PARD3: variants seen among roughly 807,000 people sequenced by gnomAD.
PARD3 encodes par-3 family cell polarity regulator.
In PARD3, 75 loss-of-function variants were observed where a neutral mutation model predicts 155.4. The ratio of observed to expected loss-of-function variants is 0.48; its 90% CI spans 0.40 to 0.58. PARD3 has a LOEUF of 0.58. PARD3 is among the 20% of genes least tolerant of loss of function. The pLI is 0.00. For synonymous variants in PARD3, 576 were observed against 610.5 expected, an observed-to-expected ratio of 0.94 and a Z score of 0.83; for missense variants, 1,642 against 1,721.7, an observed-to-expected ratio of 0.95 and a Z score of 0.82.
At chr10:34,675,413 A>G (rs1487536197) in intron 2 of PARD3, among the ~76,000 whole-genome samples, 1 of 152,212 alleles carries the variant, frequency 6.6e-6, no homozygotes, top group Non-Finnish European at 1.5e-5. Context: ...CCAGTCATAC[A>G]GACATCTGGA....
intron 21 of PARD3, among the ~76,000 whole-genome samples, chr10:34,278,645 C>T (rs953274825): frequency 1.3e-5 from 2 of 152,106 alleles, no homozygotes; most frequent in Admixed American, 6.6e-5. Context: ...TCTTTTCTCC[C>T]GCCACGTGAA....
chr10:34,521,245 G>C (rs557849848), intron 2 of PARD3, among the ~76,000 whole-genome samples: 1 of 151,838 alleles, frequency 6.6e-6, no homozygotes, highest in South Asian at 2.1e-4. Flanking sequence ...CAATTGCACA[G>C]CTTTCTTTTA....
At position 34,377,125 on chromosome 10, in the gene PARD3, T is replaced by C. The variant is rs568405923; in HGVS notation, c.1539+842A>G. 5.9e-5 allele frequency among the ~76,000 whole-genome samples: 9 copies of C among 152,362 alleles called. No homozygotes were observed. The South Asian group carries it at 1.9e-3, about 32-fold the overall frequency. On this transcript the variant is annotated intron_variant, in intron 10 of 24. Transcript: ENST00000374788. ...ACTCAATTTATTCTCCATGCTGCCA[T>C]TTCAAGATTTCCTTGCTCCTCTTAT... is the stretch of plus-strand genomic sequence containing the variant.
intron 2 of PARD3, among the ~76,000 whole-genome samples, chr10:34,548,964 A>C (rs2084325003): frequency 6.6e-6 from 1 of 152,192 alleles, no homozygotes; most frequent in African/African-American, 2.4e-5. Flanking sequence ...AAACAAATCA[A>C]ACAGTGGCTG....
chr10:34,467,329 TTGTG>T lies in PARD3; in HGVS notation c.582+2752_582+2755del, dbSNP rs61218571. On this transcript the variant is annotated intron_variant, in intron 4 of 24. Coordinates refer to ENST00000374788, the MANE Select transcript of PARD3 (RefSeq NM_001184785.2). ...TATATGAACATAGCATGACTCCAAC[TTGTG>T]TGTGTGTGTGTGTGTGTGTGTGTGT... Among the ~76,000 whole-genome samples the T allele has an allele frequency of 4.6e-3, 676 of 147,068 alleles. 5 individuals are homozygous for T. Among genetic ancestry groups the T allele is most frequent in the African/African-American group, 0.012 (477 of 40,000 alleles).
rs55765243 is a variant in PARD3 at position 34,585,547 on chromosome 10, CT to C, written c.223-68389del. ...TTTTTCTTTTTTTTTCTTTTTCTTT[CT>C]TTTTTTTTTTGGCAAAACTCTGGAA... is the stretch of plus-strand genomic sequence containing the variant. On this transcript the variant is annotated intron_variant, in intron 2 of 24. Coordinates refer to ENST00000374788, the MANE Select transcript of PARD3 (RefSeq NM_001184785.2). 4.5e-3 allele frequency among the ~76,000 whole-genome samples: 644 copies of C among 143,020 alleles called. 2 individuals carry two copies. The highest frequency in any genetic ancestry group is 0.012 in the African/African-American group (477 of 39,036). 93.8% of individuals were successfully genotyped at this position (143,020 alleles called of 152,430 possible).
intron 2 of PARD3, among the ~76,000 whole-genome samples, chr10:34,599,499 T>C (rs1356509086): frequency 6.6e-6 from 1 of 152,180 alleles, no homozygotes. Flanking sequence ...ACATAACCCC[T>C]ACTAAATCTT....
At chr10:34,267,267 C>T (rs935325495) in intron 22 of PARD3, among the ~76,000 whole-genome samples, 1 of 152,064 alleles carries the variant, frequency 6.6e-6, no homozygotes, top group African/African-American at 2.4e-5. Flanking sequence ...ACAAGTATGG[C>T]AGAAACCAAG....
At chr10:34,616,309 T>C (rs183808408) in intron 2 of PARD3, among the ~76,000 whole-genome samples, 1 of 151,346 alleles carries the variant, frequency 6.6e-6, no homozygotes, top group African/African-American at 2.4e-5. Flanking sequence ...AGGGTGAGAC[T>C]CTCTCAAAAA....
At chr10:34,521,364 C>CAAAAA (rs35030184) in intron 2 of PARD3, among the ~76,000 whole-genome samples, 1 of 90,510 alleles carries the variant, frequency 1.1e-5, no homozygotes, top group Non-Finnish European at 2.4e-5. Context: ...AGTAACACAG[C>CAAAAA]AAAAAAAAAA....
At chr10:34,516,167 G>A (rs1274523590) in intron 3 of PARD3, among the ~76,000 whole-genome samples, 1 of 152,008 alleles carries the variant, frequency 6.6e-6, no homozygotes, top group Non-Finnish European at 1.5e-5. Context: ...GTTTCACCAT[G>A]TCGGCCAGGC....
At chr10:34,407,653 A>G (rs894784452) in intron 5 of PARD3, among the ~76,000 whole-genome samples, 5 of 152,260 alleles carry the variant, frequency 3.3e-5, no homozygotes, top group East Asian at 3.9e-4. Flanking sequence ...AAACATAACT[A>G]AAGTTTAACT....
chr10:34,145,213 ATATATATATTTTT>A (rs1293132490), intron 22 of PARD3, among the ~76,000 whole-genome samples: 1 of 64,032 alleles, frequency 1.6e-5, no homozygotes, highest in African/African-American at 9.0e-5. Flanking sequence ...ATATATATAT[ATATATATATTTTT>A]TTTTTTTTTT....
chr10:34,572,437 T>C (rs1479768164), intron 2 of PARD3, among the ~76,000 whole-genome samples: 1 of 151,866 alleles, frequency 6.6e-6, no homozygotes, highest in Non-Finnish European at 1.5e-5. Context: ...GTCAGGAGTT[T>C]AAGACCAGCC....
chr10:34,746,272 G>C (rs944433567), intron 1 of PARD3, among the ~76,000 whole-genome samples: 1 of 150,860 alleles, frequency 6.6e-6, no homozygotes, highest in Admixed American at 6.6e-5. Flanking sequence ...GTGAGATTCT[G>C]TCTCTACAAA....
intron 2 of PARD3, among the ~76,000 whole-genome samples, chr10:34,585,357 T>C (rs1259714829): frequency 6.6e-6 from 1 of 152,168 alleles, no homozygotes; most frequent in African/African-American, 2.4e-5. Context: ...GCTTTAGTCC[T>C]GCACCCATTA....
chr10:34,483,352 C>A (rs548012255), intron 3 of PARD3, among the ~76,000 whole-genome samples: 1 of 151,854 alleles, frequency 6.6e-6, no homozygotes, highest in Non-Finnish European at 1.5e-5. Context: ...CACAGTGGCA[C>A]GCATCTGTGG....
At chr10:34,436,514 G>A (rs1462322612) in intron 5 of PARD3, among the ~76,000 whole-genome samples, 5 of 152,222 alleles carry the variant, frequency 3.3e-5, no homozygotes, top group African/African-American at 7.2e-5. Flanking sequence ...ATGGTACGAT[G>A]TCTACTGAGG....
chr10:34,697,314 T>C (rs1383144068), intron 1 of PARD3, among the ~76,000 whole-genome samples: 1 of 152,148 alleles, frequency 6.6e-6, no homozygotes, highest in Non-Finnish European at 1.5e-5. Flanking sequence ...TGCAACACAA[T>C]TGCTATCCAG....
Sources: allele counts gnomAD v4.1 joint callset (sites outside exome capture counted in the v4.1 genomes callset), GRCh38; gene constraint gnomAD v4.1.1; transcripts MANE v1.5; gene names NCBI Gene and HGNC (gene_info 2026-07-23, HGNC 2026-07-21).